The following SP8 variants were observed in gnomAD, a reference collection of about 807,000 sequenced individuals.
The protein encoded by SP8 is transcription factor Sp8.
Under a neutral mutation model 15.3 loss-of-function variants are expected in SP8, and 7 were observed. The observed-to-expected ratio is 0.46, with a 90% confidence interval of 0.26 to 0.86. The LOEUF is 0.86. Ranked by LOEUF, SP8 falls within the 40% of genes least tolerant of loss-of-function variation. SP8 has a pLI of 0.16. For synonymous variants in SP8, 415 were observed against 356.3 expected (o/e 1.16, Z -1.86); for missense variants, 731 against 736.4 (o/e 0.99, Z 0.09).
chr7:20,785,658 G>A lies in SP8; in HGVS notation c.159C>T (p.Arg53=), dbSNP rs750045142. 2 of 1,613,822 alleles carry A rather than the reference G, an allele frequency of 1.2e-6. No homozygotes were observed. Among genetic ancestry groups the A allele is most frequent in the African/African-American group, 2.7e-5 (2 of 74,892 alleles). The change falls in exon 2 of 2, where the codon CGC becomes CGT. Residue 53 remains arginine, a synonymous_variant. Transcript: ENST00000418710. This position sits in a 1 kb window ranked among gnomAD's most constrained non-coding sequence, Gnocchi z 7.2. ...SFGKGFHPWK[R]SSSSSSASCN... Reference sequence around the variant, plus strand: ...AGCTGGCGGAAGAAGAGGACGAGGAGCGTTTCCAGGGGTGGAAGCCTTTGC... The same window carrying A: ...AGCTGGCGGAAGAAGAGGACGAGGAACGTTTCCAGGGGTGGAAGCCTTTGC...
chr7:20,784,155 G>C lies in SP8; in HGVS notation c.*135C>G. On this transcript the variant is annotated 3_prime_UTR_variant, in exon 2 of 2. Coordinates refer to ENST00000418710, the MANE Select transcript of SP8 (RefSeq NM_182700.6). Reference sequence around the variant, plus strand: ...GTTAAGTCACAGAAGGAAGAAGGAAGAGGGGCAGAAACAGAAAGAGACAGA... The same window carrying C: ...GTTAAGTCACAGAAGGAAGAAGGAACAGGGGCAGAAACAGAAAGAGACAGA... The C allele has an allele frequency of 1.3e-6, 1 of 775,844 alleles. No individual in the cohort carries two copies. Among genetic ancestry groups the C allele is most frequent in the Non-Finnish European group, 1.9e-6 (1 of 539,172 alleles). 48.1% of individuals were successfully genotyped at this position (775,844 alleles called of 1,614,324 possible).
rs1316798726 is a variant in SP8, at chr7:20,784,213, G to C, written c.*77C>G. The C allele has an allele frequency of 7.9e-7, 1 of 1,261,816 alleles. No homozygotes were observed. Among genetic ancestry groups the C allele is most frequent in the Non-Finnish European group, 1.0e-6 (1 of 970,870 alleles). The allele number at this position is 1,261,816 out of a possible 1,614,324, so 78.2% of individuals were successfully genotyped here. On this transcript the variant is annotated 3_prime_UTR_variant, in exon 2 of 2. Coordinates refer to ENST00000418710, the MANE Select transcript of SP8 (RefSeq NM_182700.6). ...TCGGATGCAATAGGGAAAGGCTGGAGTTGAAGTCCGGACAGACAGGGCCCA... is the reference window on the plus strand; with the variant it reads ...TCGGATGCAATAGGGAAAGGCTGGACTTGAAGTCCGGACAGACAGGGCCCA...
At position 20,785,205 on chromosome 7, in the gene SP8, C is replaced by A. The variant is rs1049531704; in HGVS notation, c.612G>T (p.Glu204Asp). 6.2e-7 allele frequency: 1 copy of A among 1,601,054 alleles called. No individual in the cohort carries two copies. The highest frequency in any genetic ancestry group is 8.5e-7 in the Non-Finnish European group (1 of 1,175,342). ...CCGGGTGCGAGGGCTTAAACCACGA[C>A]TCGTACGGGTGCGCCATGCCCACCC... is the stretch of plus-strand genomic sequence containing the variant. ...YPRVGMAHPYESWFKPSHPGL... is the reference protein window; with the variant it reads ...YPRVGMAHPYDSWFKPSHPGL... The change falls in exon 2 of 2, where the codon GAG becomes GAT. Residue 204 changes from glutamate (E) to aspartate (D), a missense_variant. Physicochemically the swap from Glu to Asp is conservative, Grantham distance 45. Around this residue, in one of 3 missense-constraint regions of SP8, gnomAD observed 586 missense variants for 524.9 expected, o/e 1.12. Transcript: ENST00000418710. The surrounding 1 kb of genome is among the most constrained non-coding windows in gnomAD (Gnocchi z 7.2).
chr7:20,786,882 A>T lies in SP8; in HGVS notation c.-84T>A, dbSNP rs1783694511. Reference sequence around the variant, plus strand: ...AGTGTTTTTTTTAGAGGTGTGCAATACAATGATCAGTTCCGCCCATTCCAC... The same window carrying T: ...AGTGTTTTTTTTAGAGGTGTGCAATTCAATGATCAGTTCCGCCCATTCCAC... On this transcript the variant is annotated 5_prime_UTR_variant, in exon 1 of 2. Coordinates refer to ENST00000418710, the MANE Select transcript of SP8 (RefSeq NM_182700.6). The surrounding 1 kb of genome is among the most constrained non-coding windows in gnomAD (Gnocchi z 4.4). 3.6e-6 allele frequency: 4 copies of T among 1,121,276 alleles called. No individual in the cohort carries two copies. The highest frequency in any genetic ancestry group is 5.5e-6 in the Non-Finnish European group (4 of 729,912). 69.5% of individuals were successfully genotyped at this position (1,121,276 alleles called of 1,614,324 possible).
rs771899660 is a variant in SP8 at position 20,785,615 on chromosome 7, T to C, written c.202A>G (p.Ser68Gly). The C allele has an allele frequency of 1.3e-6, 2 of 1,590,684 alleles. No homozygotes were observed. The highest frequency in any genetic ancestry group is 2.2e-5 in the South Asian group (2 of 90,780). Residue 68 changes from serine (S) to glycine (G), a missense_variant, in exon 2 of 2, where the codon AGT (serine) becomes GGT (glycine). Transcript: ENST00000418710. This position sits in a 1 kb window ranked among gnomAD's most constrained non-coding sequence, Gnocchi z 7.2. ...CCGGACACGCCGAAGCTTGAGAGACTGGAACCCACTACGTTGCAGCTGGCG... is the reference window on the plus strand; with the variant it reads ...CCGGACACGCCGAAGCTTGAGAGACCGGAACCCACTACGTTGCAGCTGGCG... ...SSASCNVVGS[S>G]LSSFGVSGAS...
Position 20,784,368 on chromosome 7 carries a change from G to T in SP8, c.1449C>A (p.Ser483Arg). The part of the protein sequence containing the change: ...KKGSDTDSEH[S>R]AAGSPPCHSP... ...AGTGGCAGGGCGGGCTGCCCGCGGC[G>T]CTGTGCTCGCTGTCGGTGTCGCTGC... Residue 483 changes from serine (S) to arginine (R), a missense_variant, in exon 2 of 2, where the codon AGC becomes AGA. By Grantham distance (110) the Ser-to-Arg change is moderately radical. Around this residue, in one of 3 missense-constraint regions of SP8, gnomAD observed 114 missense variants for 111.9 expected, o/e 1.02. Transcript: ENST00000418710. The T allele has an allele frequency of 6.6e-7, 1 of 1,525,006 alleles. No individual in the cohort carries two copies. The highest frequency in any genetic ancestry group is 8.8e-7 in the Non-Finnish European group (1 of 1,142,844). The allele number at this position is 1,525,006 out of a possible 1,614,324, so 94.5% of individuals were successfully genotyped here. A position where few individuals can be genotyped will look rare whatever the true frequency, so the allele number is the denominator to read the frequency against.
chr7:20,786,037 CA>C lies in SP8; in HGVS notation c.22-243del. On this transcript the variant is annotated intron_variant, in intron 1 of 1. Transcript: ENST00000418710. The surrounding 1 kb of genome is among the most constrained non-coding windows in gnomAD (Gnocchi z 4.4). The stretch of plus-strand genomic sequence containing the variant: ...TGCCGGCGTCTGATTCGGGAGCAAG[CA>C]CCACGCTAAAGAAGAGTTTGACAAG... 1 of 1,390,436 alleles carries C rather than the reference CA, an allele frequency of 7.2e-7. No individual in the cohort carries two copies. The allele number at this position is 1,390,436 out of a possible 1,614,324, so 86.1% of individuals were successfully genotyped here. A position where few individuals can be genotyped will look rare whatever the true frequency, so the allele number is the denominator to read the frequency against.
rs1352277590 is a variant in SP8 at position 20,785,721 on chromosome 7, C to T, written c.96G>A (p.Pro32=). The T allele has an allele frequency of 1.9e-5, 30 of 1,612,234 alleles. No individual in the cohort carries two copies. The highest frequency in any genetic ancestry group is 2.4e-5 in the Non-Finnish European group (28 of 1,179,226). The change falls in exon 2 of 2, where the codon CCG becomes CCA. Residue 32 remains proline (P), a synonymous_variant. Coordinates refer to ENST00000418710, the MANE Select transcript of SP8 (RefSeq NM_182700.6). The surrounding 1 kb of genome is among the most constrained non-coding windows in gnomAD (Gnocchi z 7.2). ...ATCNKIGSPS[P]SPSSLSDSSS... ...AGCTGTCCGAGAGGGAGGAGGGAGACGGGCTGGGGCTGCCTATCTTATTAC... is the reference window on the plus strand; with the variant it reads ...AGCTGTCCGAGAGGGAGGAGGGAGATGGGCTGGGGCTGCCTATCTTATTAC...
At position 20,783,081 on chromosome 7, in the gene SP8, C is replaced by T. The variant is rs1296723088; in HGVS notation, c.*1209G>A. On this transcript the variant is annotated 3_prime_UTR_variant, in exon 2 of 2. Transcript: ENST00000418710. Reference sequence around the variant, plus strand: ...TTTCCCTCTTTTGGTATTTAAACTACAGCCTCGTCTGAAATAAACGATAGC... The same window carrying T: ...TTTCCCTCTTTTGGTATTTAAACTATAGCCTCGTCTGAAATAAACGATAGC... The T allele has an allele frequency of 6.6e-6, 1 of 152,494 alleles. No homozygotes were observed. Among genetic ancestry groups the T allele is most frequent in the Non-Finnish European group, 1.5e-5 (1 of 68,034 alleles). 9.4% of individuals were successfully genotyped at this position (152,494 alleles called of 1,614,324 possible).
At position 20,785,154 on chromosome 7, in the gene SP8, G is replaced by T. The variant is rs774509380; in HGVS notation, c.663C>A (p.Gly221=). 6 of 1,594,076 alleles carry T rather than the reference G, an allele frequency of 3.8e-6. No individual in the cohort carries two copies. In the African/African-American group the frequency reaches 4.1e-5, roughly 11 times the overall value. ...CCCACCAGCTGGAGGCGCCGGCCGA[G>T]CCCACCTCGCCCGCAGCACCCAGGC... ...HPGLGAAGEV[G]SAGASSWWDV... Residue 221 remains glycine, a synonymous_variant, in exon 2 of 2, where the codon GGC becomes GGA. Transcript: ENST00000418710. The surrounding 1 kb of genome is among the most constrained non-coding windows in gnomAD (Gnocchi z 7.2).
chr7:20,784,332 C>T lies in SP8; in HGVS notation c.1485G>A (p.Leu495=), dbSNP rs148247510. The change falls in exon 2 of 2, where the codon CTG becomes CTA. Residue 495 remains leucine (L), a synonymous_variant. Coordinates refer to ENST00000418710, the MANE Select transcript of SP8 (RefSeq NM_182700.6). The stretch of plus-strand genomic sequence containing the variant: ...GGTGCCCGGGCTCGGGGGGCTGCAG[C>T]AGCTCTGGGGAGTGGCAGGGCGGGC... ...AGSPPCHSPE[L]LQPPEPGHRN... The T allele has an allele frequency of 2.7e-3, 4,013 of 1,506,670 alleles. 5 individuals are homozygous for T. The highest frequency in any genetic ancestry group is 3.3e-3 in the Non-Finnish European group (3,748 of 1,134,842). 93.3% of individuals were successfully genotyped at this position (1,506,670 alleles called of 1,614,324 possible).
rs183462548 is a variant in SP8, at chr7:20,782,588, G to C, written c.*1702C>G. Reference sequence around the variant, plus strand: ...TGGGTTTTGGCAGACCACTTATTATGAAATATAGGAGAACTCTCACTTTAA... The same window carrying C: ...TGGGTTTTGGCAGACCACTTATTATCAAATATAGGAGAACTCTCACTTTAA... On this transcript the variant is annotated 3_prime_UTR_variant, in exon 2 of 2. Transcript: ENST00000418710. The C allele has an allele frequency of 2.6e-5, 4 of 152,650 alleles. No homozygotes were observed. In the East Asian group the frequency reaches 7.7e-4, roughly 29 times the overall value. 9.5% of individuals were successfully genotyped at this position (152,650 alleles called of 1,614,324 possible). A position where few individuals can be genotyped will look rare whatever the true frequency, so the allele number is the denominator to read the frequency against.
Position 20,783,926 on chromosome 7 carries a change from G to A in SP8, c.*364C>T. Reference sequence around the variant, plus strand: ...CTGGATTAGTCCAGCTCTACCTCCAGTGGCCGTTCCCTCTAAAAGTTACGC... The same window carrying A: ...CTGGATTAGTCCAGCTCTACCTCCAATGGCCGTTCCCTCTAAAAGTTACGC... On this transcript the variant is annotated 3_prime_UTR_variant, in exon 2 of 2. Coordinates refer to ENST00000418710, the MANE Select transcript of SP8 (RefSeq NM_182700.6). 1 of 90,086 alleles carries A rather than the reference G, an allele frequency of 1.1e-5. No homozygotes were observed. The highest frequency in any genetic ancestry group is 1.6e-5 in the Non-Finnish European group (1 of 61,116). The allele number at this position is 90,086 out of a possible 1,614,324, so 5.6% of individuals were successfully genotyped here. A position where few individuals can be genotyped will look rare whatever the true frequency, so the allele number is the denominator to read the frequency against.
In SP8 at chr7:20,785,540, C is replaced by G. The variant is rs1215372246; in HGVS notation, c.277G>C (p.Ala93Pro). ...ACCAGGGCCGCGGCAGCCGCGGCTG[C>G]TGCCGCGGCCGCCGCAGCCGCCGAG... is the stretch of plus-strand genomic sequence containing the variant. ...SSSAAAAAAA[A>P]AAAAAALVSD... The change falls in exon 2 of 2, where the codon GCA becomes CCA. Residue 93 changes from alanine to proline, a missense_variant. Ala to Pro is a conservative substitution (Grantham distance 27). Around this residue, in one of 3 missense-constraint regions of SP8, gnomAD observed 586 missense variants for 524.9 expected, o/e 1.12. Coordinates refer to ENST00000418710, the MANE Select transcript of SP8 (RefSeq NM_182700.6). The surrounding 1 kb of genome is among the most constrained non-coding windows in gnomAD (Gnocchi z 7.2). 5 of 1,303,374 alleles carry G rather than the reference C, an allele frequency of 3.8e-6. No individual in the cohort carries two copies. Among genetic ancestry groups the G allele is most frequent in the Non-Finnish European group, 3.0e-6 (3 of 1,002,070 alleles). 80.7% of individuals were successfully genotyped at this position (1,303,374 alleles called of 1,614,324 possible).
In SP8 at chr7:20,784,937, C is replaced by G. The variant is rs1448449819; in HGVS notation, c.880G>C (p.Gly294Arg). The part of the protein sequence containing the change: ...GASSHLLSPA[G>R]QHLMDGFKPV... Reference sequence around the variant, plus strand: ...TTGAAGCCGTCCATGAGGTGCTGCCCGGCGGGGCTGAGCAGGTGCGAGGAG... The same window carrying G: ...TTGAAGCCGTCCATGAGGTGCTGCCGGGCGGGGCTGAGCAGGTGCGAGGAG... The change falls in exon 2 of 2, where the codon GGG (glycine) becomes CGG (arginine). Residue 294 changes from glycine (G) to arginine (R), a missense_variant. By Grantham distance (125) the Gly-to-Arg change is moderately radical. Coordinates refer to ENST00000418710, the MANE Select transcript of SP8 (RefSeq NM_182700.6). The G allele has an allele frequency of 1.3e-6, 2 of 1,552,746 alleles. No homozygotes were observed. The highest frequency in any genetic ancestry group is 1.7e-6 in the Non-Finnish European group (2 of 1,156,252).
At position 20,784,335 on chromosome 7, in the gene SP8, C is replaced by G; in HGVS notation, c.1482G>C (p.Glu494Asp). ...GCCCGGGCTCGGGGGGCTGCAGCAG[C>G]TCTGGGGAGTGGCAGGGCGGGCTGC... ...AAGSPPCHSP[E>D]LLQPPEPGHR... is the part of the protein sequence containing the mutation. Residue 494 changes from glutamate (E) to aspartate (D), a missense_variant, in exon 2 of 2, where the codon GAG becomes GAC. Coordinates refer to ENST00000418710, the MANE Select transcript of SP8 (RefSeq NM_182700.6). 1.3e-6 allele frequency: 2 copies of G among 1,519,052 alleles called. No individual in the cohort carries two copies. The highest frequency in any genetic ancestry group is 1.8e-6 in the Non-Finnish European group (2 of 1,140,594). The allele number at this position is 1,519,052 out of a possible 1,614,324, so 94.1% of individuals were successfully genotyped here.
At position 20,784,374 on chromosome 7, in the gene SP8, C is replaced by G; in HGVS notation, c.1443G>C (p.Glu481Asp). Residue 481 changes from glutamate (E) to aspartate (D), a missense_variant, in exon 2 of 2, where the codon GAG becomes GAC. Coordinates refer to ENST00000418710, the MANE Select transcript of SP8 (RefSeq NM_182700.6). ...GGKKGSDTDS[E>D]HSAAGSPPCH... ...AGGGCGGGCTGCCCGCGGCGCTGTG[C>G]TCGCTGTCGGTGTCGCTGCCCTTCT... 3.9e-6 allele frequency: 6 copies of G among 1,526,024 alleles called. No homozygotes were observed. The highest frequency in any genetic ancestry group is 5.2e-6 in the Non-Finnish European group (6 of 1,143,188). 94.5% of individuals were successfully genotyped at this position (1,526,024 alleles called of 1,614,324 possible).
chr7:20,786,480 C>G lies in SP8; in HGVS notation c.21+298G>C, dbSNP rs1365638470. ...AGGAAAAACTTGCTCTCTTTACCCC[C>G]GAAATCGGTGCCTGTAAAATGGGCT... On this transcript the variant is annotated intron_variant, in intron 1 of 1. Coordinates refer to ENST00000418710, the MANE Select transcript of SP8 (RefSeq NM_182700.6). The surrounding 1 kb of genome is among the most constrained non-coding windows in gnomAD (Gnocchi z 4.4). 6.6e-6 allele frequency among the ~76,000 whole-genome samples: 1 copy of G among 152,108 alleles called. No individual in the cohort carries two copies. The highest frequency in any genetic ancestry group is 1.5e-5 in the Non-Finnish European group (1 of 68,008).
chr7:20,785,502 G>C lies in SP8; in HGVS notation c.315C>G (p.Phe105Leu), dbSNP rs1032407745. 54 of 1,447,328 alleles carry C rather than the reference G, an allele frequency of 3.7e-5. No individual in the cohort carries two copies. The highest frequency in any genetic ancestry group is 4.9e-5 in the Non-Finnish European group (54 of 1,110,564). 89.7% of individuals were successfully genotyped at this position (1,447,328 alleles called of 1,614,324 possible). ...TGGAGCCAGGCGAGCCGCCGCAGCT[G>C]AACGAGTCGGACACCAGGGCCGCGG... is the stretch of plus-strand genomic sequence containing the variant. ...AAAAALVSDS[F>L]SCGGSPGSSA... Residue 105 changes from phenylalanine (F) to leucine (L), a missense_variant, in exon 2 of 2, where the codon TTC (phenylalanine) becomes TTG (leucine). By Grantham distance (22) the Phe-to-Leu change is conservative (BLOSUM62 0). Around this residue, in one of 3 missense-constraint regions of SP8, gnomAD observed 586 missense variants for 524.9 expected, o/e 1.12. Transcript: ENST00000418710. The surrounding 1 kb of genome is among the most constrained non-coding windows in gnomAD (Gnocchi z 7.2).
Sources: allele counts gnomAD v4.1 joint callset (sites outside exome capture counted in the v4.1 genomes callset), GRCh38; gene constraint gnomAD v4.1.1; regional missense constraint gnomAD v4.1.1; non-coding constraint Gnocchi (gnomAD v3.1); transcripts MANE v1.5; gene names NCBI Gene and HGNC (gene_info 2026-07-23, HGNC 2026-07-21).